The following PLCL2 variants were observed in gnomAD, a reference collection of about 807,000 sequenced individuals.
PLCL2 encodes the protein inactive phospholipase C-like protein 2.
A neutral mutation model predicts 79.6 loss-of-function variants in PLCL2; 4 were observed. The ratio of observed to expected loss-of-function variants is 0.05; its 90% CI spans 0.02 to 0.11. The LOEUF is 0.11. PLCL2 is among the 10% of genes least tolerant of loss of function. The pLI is 1.00. For synonymous variants in PLCL2, 484 were observed against 457.7 expected, an observed-to-expected ratio of 1.06 and a Z score of -0.73; for missense variants, 895 against 1,291.0, an observed-to-expected ratio of 0.69 and a Z score of 4.70.
At position 16,905,857 on chromosome 3, in the gene PLCL2, G is replaced by A. The variant is rs961820670; in HGVS notation, c.327+20491G>A. ...TGAGCCTGGAGGGAGGTAATTGAGA[G>A]GGAGGCAGGGGCCCTGAAAATGGAG... On this transcript the variant is annotated intron_variant, in intron 1 of 5. Coordinates refer to ENST00000615277, the MANE Select transcript of PLCL2 (RefSeq NM_001144382.2). Among the ~76,000 whole-genome samples the A allele has an allele frequency of 2.2e-4, 34 of 152,160 alleles. 1 individual carries two copies. The highest frequency in any genetic ancestry group is 2.2e-3 in the Admixed American group (33 of 15,282).
At chr3:16,967,665 C>T (rs1417886636) in intron 1 of PLCL2, among the ~76,000 whole-genome samples, 1 of 151,864 alleles carries the variant, frequency 6.6e-6, no homozygotes, top group East Asian at 1.9e-4. Flanking sequence ...GATACTAGAC[C>T]TTTGTGGGAT....
At chr3:17,080,174 T>G (rs552979174) in intron 5 of PLCL2, among the ~76,000 whole-genome samples, 45 of 152,248 alleles carry the variant, frequency 3.0e-4, no homozygotes, top group Non-Finnish European at 5.4e-4. Flanking sequence ...ACAGAAAACA[T>G]CACGCACTCT....
chr3:16,994,770 C>T (rs1367030102), intron 1 of PLCL2, among the ~76,000 whole-genome samples: 1 of 152,222 alleles, frequency 6.6e-6, no homozygotes, highest in African/African-American at 2.4e-5. Context: ...CATCCCCCTT[C>T]TACCACCGTG....
At chr3:16,936,945 T>G (rs926748015) in intron 1 of PLCL2, among the ~76,000 whole-genome samples, 12 of 152,180 alleles carry the variant, frequency 7.9e-5, no homozygotes, top group African/African-American at 2.9e-4. Context: ...ATGAACATTT[T>G]GAACTGGATA....
intron 4 of PLCL2, among the ~76,000 whole-genome samples, chr3:17,045,328 TAA>T (rs1328330522): frequency 6.6e-6 from 1 of 152,250 alleles, no homozygotes; most frequent in African/African-American, 2.4e-5. Context: ...TGAGTGGAAA[TAA>T]AGAGTCAGAC....
intron 3 of PLCL2, among the ~76,000 whole-genome samples, chr3:17,033,127 T>C (rs2064602968): frequency 6.6e-6 from 1 of 152,170 alleles, no homozygotes; most frequent in African/African-American, 2.4e-5. Context: ...GAAAGACACA[T>C]TGATCCCTTA....
chr3:16,939,381 G>A (rs1396083606), intron 1 of PLCL2, among the ~76,000 whole-genome samples: 2 of 152,184 alleles, frequency 1.3e-5, no homozygotes, highest in Non-Finnish European at 2.9e-5. Flanking sequence ...TGAAAGTCAT[G>A]GGTATGAGCT....
At chr3:16,956,576 A>G (rs2063707904) in intron 1 of PLCL2, among the ~76,000 whole-genome samples, 1 of 151,946 alleles carries the variant, frequency 6.6e-6, no homozygotes, top group African/African-American at 2.4e-5. Context: ...CTCTTTTTCT[A>G]TTGATTGGAA....
In PLCL2 at chr3:17,089,955, C is replaced by G. The variant is rs2065257165; in HGVS notation, c.*43C>G. ...CATTATGGAGTTTATAACTCTAGGA[C>G]CAATTGTAGTCAGATGGGACATTTG... On this transcript the variant is annotated 3_prime_UTR_variant, in exon 6 of 6. Coordinates refer to ENST00000615277, the MANE Select transcript of PLCL2 (RefSeq NM_001144382.2). 6.4e-7 allele frequency: 1 copy of G among 1,571,804 alleles called. No individual in the cohort carries two copies. The highest frequency in any genetic ancestry group is 1.4e-5 in the African/African-American group (1 of 73,268).
intron 1 of PLCL2, among the ~76,000 whole-genome samples, chr3:16,939,050 C>G (rs781121461): frequency 6.6e-6 from 1 of 152,178 alleles, no homozygotes; most frequent in Admixed American, 6.5e-5. Flanking sequence ...TACTGTGAAT[C>G]CATGCTGTAT....
chr3:16,904,572 T>C (rs955956247), intron 1 of PLCL2, among the ~76,000 whole-genome samples: 1 of 152,076 alleles, frequency 6.6e-6, no homozygotes, highest in African/African-American at 2.4e-5. Flanking sequence ...TAGGAATGCT[T>C]TTACCCAGCT....
chr3:17,001,181 A>T (rs562921710), intron 1 of PLCL2, among the ~76,000 whole-genome samples: 8 of 151,936 alleles, frequency 5.3e-5, no homozygotes, highest in Admixed American at 5.2e-4. Context: ...GCGTTTTTTC[A>T]TATACTTGTT....
At chr3:17,075,628 G>T (rs1330927148) in intron 5 of PLCL2, among the ~76,000 whole-genome samples, 1 of 151,248 alleles carries the variant, frequency 6.6e-6, no homozygotes, top group African/African-American at 2.4e-5. Context: ...CCAGCACAAT[G>T]ATGGTAGGGC....
At chr3:17,042,150 C>A (rs1276833421) in intron 3 of PLCL2, among the ~76,000 whole-genome samples, 1 of 152,110 alleles carries the variant, frequency 6.6e-6, no homozygotes, top group Non-Finnish European at 1.5e-5. Flanking sequence ...CTGGCTATCC[C>A]ATTTCCTTTT....
intron 4 of PLCL2, among the ~76,000 whole-genome samples, chr3:17,050,927 G>A (rs995334449): frequency 1.3e-5 from 2 of 152,156 alleles, no homozygotes; most frequent in East Asian, 1.9e-4. Flanking sequence ...TGGATATTGT[G>A]TGTGATACTT....
chr3:17,087,662 A>T (rs1445993419), intron 5 of PLCL2, among the ~76,000 whole-genome samples: 1 of 152,194 alleles, frequency 6.6e-6, no homozygotes, highest in African/African-American at 2.4e-5. Context: ...ACTTGAGGGG[A>T]TGTGGCAACA....
chr3:16,911,902 T>G (rs1289945710), intron 1 of PLCL2, among the ~76,000 whole-genome samples: 1 of 152,204 alleles, frequency 6.6e-6, no homozygotes, highest in Non-Finnish European at 1.5e-5. Flanking sequence ...GTACATAAAC[T>G]TTGTTTCGTA....
intron 3 of PLCL2, among the ~76,000 whole-genome samples, chr3:17,038,655 T>C (rs2064685394): frequency 6.6e-6 from 1 of 152,208 alleles, no homozygotes; most frequent in Admixed American, 6.5e-5. Flanking sequence ...AGTAATTTAT[T>C]GCTGTCATTT....
chr3:17,019,723 A>T (rs567565176), intron 3 of PLCL2, among the ~76,000 whole-genome samples: 1 of 152,368 alleles, frequency 6.6e-6, no homozygotes, highest in Admixed American at 6.5e-5. Flanking sequence ...TGTAATCAGT[A>T]GATCAAATCC....
Sources: allele counts gnomAD v4.1 joint callset (sites outside exome capture counted in the v4.1 genomes callset), GRCh38; gene constraint gnomAD v4.1.1; transcripts MANE v1.5; gene names NCBI Gene and HGNC (gene_info 2026-07-23, HGNC 2026-07-21).